ALPK2: variants seen among roughly 807,000 people sequenced by gnomAD.
The protein encoded by ALPK2 is alpha kinase 2.
ALPK2 carries 127 observed loss-of-function variants against 163.1 expected under a neutral mutation model. That is an observed-to-expected ratio of 0.78 (90% CI 0.67 to 0.90). The LOEUF is 0.90. Among genes scored for constraint, ALPK2 ranks in the 40% least tolerant of loss-of-function variants. The pLI is 0.00. For missense variants in ALPK2, 2,360 were observed against 2,589.6 expected (o/e 0.91, Z 1.92); for synonymous variants, 953 against 959.1 (o/e 0.99, Z 0.12).
intron 12 of ALPK2, among the ~76,000 whole-genome samples, chr18:58,486,200 C>T (rs952958474): frequency 2.6e-5 from 4 of 152,208 alleles, no homozygotes; most frequent in Non-Finnish European, 5.9e-5. Flanking sequence ...TTTAGACCCT[C>T]GCAGAAAGCT....
At chr18:58,495,724 G>A (rs1315627908) in intron 12 of ALPK2, among the ~76,000 whole-genome samples, 1 of 152,196 alleles carries the variant, frequency 6.6e-6, no homozygotes, top group Non-Finnish European at 1.5e-5. Flanking sequence ...TCTGGTGTCA[G>A]GCTAAGACAT....
intron 4 of ALPK2, among the ~76,000 whole-genome samples, chr18:58,573,690 T>A (rs1602224686): frequency 7.4e-6 from 1 of 135,734 alleles, no homozygotes; most frequent in Admixed American, 8.7e-5. Context: ...TGTGGCAGGG[T>A]CATAGGATAA....
chr18:58,529,359 GA>G, intron 5 of ALPK2, 121 bp from the exon 6 acceptor site: 1 of 1,100,648 alleles, frequency 9.1e-7, no homozygotes, highest in East Asian at 2.6e-5. Context: ...ATGGAAGTGA[GA>G]ATTGAGTCTC....
intron 5 of ALPK2, among the ~76,000 whole-genome samples, chr18:58,532,063 G>A (rs570286847): frequency 2.0e-5 from 3 of 151,304 alleles, no homozygotes; most frequent in Admixed American, 6.6e-5. Context: ...CATCTGTGTT[G>A]ATTCGTATGG....
intron 3 of ALPK2, among the ~76,000 whole-genome samples, chr18:58,583,737 C>CA (rs576126970): frequency 0.2 from 24,373 of 119,214 alleles, 2,460 homozygotes; most frequent in African/African-American, 0.32. Context: ...GACTTTGTCT[C>CA]AAAAAAAAAA....
At position 58,535,247 on chromosome 18, in the gene ALPK2, C is replaced by A; in HGVS notation, c.4940G>T (p.Ser1647Ile). 6.2e-7 allele frequency: 1 copy of A among 1,614,142 alleles called. No homozygotes were observed. The highest frequency in any genetic ancestry group is 8.5e-7 in the Non-Finnish European group (1 of 1,180,016). ...AAATGCCAAGGTCTTCGCTGAGGAG[C>A]TAGATGAGCTTGGGGGTTTGGTTTC... ...IGETKPPSSSSSSAKTLAFIS... is the reference protein window; with the variant it reads ...IGETKPPSSSISSAKTLAFIS... The change falls in exon 5 of 13, where the codon AGC (serine) becomes ATC (isoleucine). Residue 1647 changes from serine (S) to isoleucine (I), a missense_variant. Coordinates refer to ENST00000361673, the MANE Select transcript of ALPK2 (RefSeq NM_052947.4).
chr18:58,545,627 C>T (rs574628741), intron 4 of ALPK2, among the ~76,000 whole-genome samples: 7 of 152,358 alleles, frequency 4.6e-5, no homozygotes, highest in African/African-American at 1.4e-4. Context: ...CCAAGCCACT[C>T]GGTCCCTAGC....
intron 12 of ALPK2, among the ~76,000 whole-genome samples, chr18:58,494,116 A>C (rs1400829737): frequency 1.3e-5 from 2 of 152,180 alleles, no homozygotes; most frequent in African/African-American, 4.8e-5. Context: ...TACGTTTCCA[A>C]ATCTCCAGTT....
intron 12 of ALPK2, among the ~76,000 whole-genome samples, chr18:58,488,335 T>C (rs1009949907): frequency 6.7e-6 from 1 of 150,248 alleles, no homozygotes; most frequent in African/African-American, 2.4e-5. Flanking sequence ...GGCTGATGTC[T>C]TGCTTAAGAA....
chr18:58,495,762 C>T (rs922849000), intron 12 of ALPK2, among the ~76,000 whole-genome samples: 1 of 152,222 alleles, frequency 6.6e-6, no homozygotes, highest in African/African-American at 2.4e-5. Flanking sequence ...TAATATTTAT[C>T]TAGCTCACTT....
chr18:58,598,505 GGCTGTCATGAGAGGCCCTCA>G (rs1449056718), intron 3 of ALPK2, among the ~76,000 whole-genome samples: 1 of 152,172 alleles, frequency 6.6e-6, no homozygotes, highest in Non-Finnish European at 1.5e-5. Flanking sequence ...GAGGCCTTGG[GGCTGTCATGAGAGGCCCTCA>G]GCTGAGTGCA....
chr18:58,590,392 G>A (rs2144209233), intron 3 of ALPK2, among the ~76,000 whole-genome samples: 1 of 152,250 alleles, frequency 6.6e-6, no homozygotes, highest in South Asian at 2.1e-4. Context: ...AGCCAGGAAT[G>A]CAGGGGGAGG....
In ALPK2 at chr18:58,535,377, C is replaced by A; in HGVS notation, c.4810G>T (p.Asp1604Tyr). The A allele has an allele frequency of 6.2e-7, 1 of 1,614,182 alleles. No individual in the cohort carries two copies. The highest frequency in any genetic ancestry group is 8.5e-7 in the Non-Finnish European group (1 of 1,180,028). The change falls in exon 5 of 13, where the codon GAT becomes TAT. Residue 1604 changes from aspartate to tyrosine, a missense_variant. Transcript: ENST00000361673. ...ERGKPLPSSP[D>Y]LTRFPCTSSP... ...GAAGTACAAGGGAACCTGGTAAGAT[C>A]AGGAGAAGAGGGCAAAGGTTTCCCA... is the stretch of plus-strand genomic sequence containing the variant.
intron 6 of ALPK2, among the ~76,000 whole-genome samples, chr18:58,528,219 A>T (rs542384978): frequency 1.6e-3 from 249 of 152,256 alleles, no homozygotes; most frequent in Non-Finnish European, 1.9e-3. Context: ...TTGCCTCCTC[A>T]TTCTTCTCTC....
intron 10 of ALPK2, among the ~76,000 whole-genome samples, chr18:58,505,693 G>A (rs72933208): frequency 6.6e-6 from 1 of 151,916 alleles, no homozygotes; most frequent in African/African-American, 2.4e-5. Flanking sequence ...ACGCAAATCC[G>A]CTGTAGACTC....
At chr18:58,620,321 G>A (rs1431869733) in intron 1 of ALPK2, among the ~76,000 whole-genome samples, 2 of 152,114 alleles carry the variant, frequency 1.3e-5, no homozygotes, top group African/African-American at 4.8e-5. Context: ...ACAAAACTAT[G>A]GATACATGGT....
At chr18:58,544,005 A>G (rs1437885280) in intron 4 of ALPK2, among the ~76,000 whole-genome samples, 1 of 152,164 alleles carries the variant, frequency 6.6e-6, no homozygotes, top group Non-Finnish European at 1.5e-5. Context: ...CTTAGGTGCA[A>G]CATGGCCATC....
intron 3 of ALPK2, among the ~76,000 whole-genome samples, chr18:58,592,152 C>T (rs1218893634): frequency 6.6e-6 from 1 of 152,214 alleles, no homozygotes; most frequent in Non-Finnish European, 1.5e-5. Flanking sequence ...AGGAACACCC[C>T]GTTCTCCCAT....
chr18:58,509,813 A>T, intron 10 of ALPK2, among the ~76,000 whole-genome samples: 1 of 150,592 alleles, frequency 6.6e-6, no homozygotes, highest in Non-Finnish European at 1.5e-5. Flanking sequence ...GATTGCAAAA[A>T]TTTTCTCCCA....
Sources: gnomAD v4.1 joint callset for allele counts (sites outside exome capture counted in the v4.1 genomes callset) on GRCh38, gnomAD v4.1.1 for gene constraint, MANE v1.5 for transcripts, NCBI Gene and HGNC (gene_info 2026-07-23, HGNC 2026-07-21) for gene names.